SVEP1: variants seen among roughly 807,000 people sequenced by gnomAD.
SVEP1 encodes sushi, von Willebrand factor type A, EGF and pentraxin domain containing 1.
Under a neutral mutation model 367.3 loss-of-function variants are expected in SVEP1, and 164 were observed. That is an observed-to-expected ratio of 0.45 (90% CI 0.39 to 0.51). The LOEUF is 0.51. Among genes scored for constraint, SVEP1 ranks in the 20% least tolerant of loss-of-function variants. The probability of loss-of-function intolerance (pLI) is 0.00; values close to 1 mark genes in which losing one functional copy is unlikely to be tolerated. For missense variants in SVEP1, 4,117 were observed against 4,425.3 expected (o/e 0.93, Z 1.98); for synonymous variants, 1,666 against 1,611.6 (o/e 1.03, Z -0.81).
chr9:110,405,442 C>T (rs987466366), intron 38 of SVEP1, among the ~76,000 whole-genome samples: 14 of 151,312 alleles, frequency 9.3e-5, no homozygotes, highest in East Asian at 2.0e-4. Flanking sequence ...TGAATACCTA[C>T]GTGGACTCAG....
intron 39 of SVEP1, among the ~76,000 whole-genome samples, chr9:110,401,240 T>G (rs1328760891): frequency 6.6e-6 from 1 of 152,156 alleles, no homozygotes; most frequent in African/African-American, 2.4e-5. Flanking sequence ...CTTAAGCCCA[T>G]AAAACAGGCA....
intron 1 of SVEP1, among the ~76,000 whole-genome samples, chr9:110,551,098 C>T (rs1264490651): frequency 6.6e-6 from 1 of 152,112 alleles, no homozygotes; most frequent in East Asian, 1.9e-4. Context: ...GTTTATTCCG[C>T]AAGAATTCAA....
rs1489132325 is a variant in SVEP1 at position 110,455,661 on chromosome 9, GGCAGTGGGCT to G, written c.3706_3715del (p.Ser1236LeufsTer11). 2 of 1,613,336 alleles carry G rather than the reference GGCAGTGGGCT, an allele frequency of 1.2e-6. No homozygotes were observed. ...TTTACAAACTCCATTGTTGAGGCAA[GGCAGTGGGCT>G]GCACTCATCGATGTCTGTTTCACAC... On this transcript the variant is annotated frameshift_variant, in exon 22 of 48. Coordinates refer to ENST00000374469, the MANE Select transcript of SVEP1 (RefSeq NM_153366.4). LOFTEE classifies it high-confidence loss of function.
intron 40 of SVEP1, among the ~76,000 whole-genome samples, chr9:110,390,057 A>ACT (rs1827609650): frequency 1.8e-4 from 22 of 120,090 alleles, no homozygotes; most frequent in African/African-American, 4.8e-4. Context: ...ATACACGTAT[A>ACT]TATATAAGTA....
chr9:110,515,291 T>C (rs1829784966), intron 3 of SVEP1, among the ~76,000 whole-genome samples: 1 of 140,772 alleles, frequency 7.1e-6, no homozygotes, highest in South Asian at 2.2e-4. Context: ...TGCATTTATG[T>C]GGGGATTTTT....
At chr9:110,516,699 A>G (rs1457478036) in intron 3 of SVEP1, among the ~76,000 whole-genome samples, 1 of 152,192 alleles carries the variant, frequency 6.6e-6, no homozygotes, top group Non-Finnish European at 1.5e-5. Context: ...TTTAAAATGT[A>G]AATGAAAAAT....
chr9:110,384,397 GC>G (rs1827488870), intron 43 of SVEP1, among the ~76,000 whole-genome samples: 1 of 151,836 alleles, frequency 6.6e-6, no homozygotes, highest in South Asian at 2.1e-4. Flanking sequence ...TACCTCAGTT[GC>G]CGGTGCAGGA....
At chr9:110,489,449 G>A (rs1404073762) in intron 9 of SVEP1, among the ~76,000 whole-genome samples, 1 of 152,162 alleles carries the variant, frequency 6.6e-6, no homozygotes, top group African/African-American at 2.4e-5. Context: ...GCAGGCAAGA[G>A]AGCACGTGCA....
At chr9:110,566,734 T>C (rs1210271150) in intron 1 of SVEP1, among the ~76,000 whole-genome samples, 2 of 152,216 alleles carry the variant, frequency 1.3e-5, no homozygotes, top group African/African-American at 2.4e-5. Context: ...CTGTGCAATA[T>C]TGAGGAGAAC....
intron 1 of SVEP1, among the ~76,000 whole-genome samples, chr9:110,550,408 TTATTA>T (rs1285056798): frequency 6.6e-6 from 1 of 152,162 alleles, no homozygotes; most frequent in African/African-American, 2.4e-5. Context: ...TTATCACTTA[TTATTA>T]TATTATTTTT....
intron 18 of SVEP1, among the ~76,000 whole-genome samples, chr9:110,459,785 A>T (rs886195315): frequency 7.9e-5 from 12 of 152,022 alleles, no homozygotes; most frequent in Admixed American, 1.3e-4. Context: ...GTATTATTAA[A>T]TTTTTTTTCC....
At chr9:110,577,972 A>C (rs909048507) in intron 1 of SVEP1, among the ~76,000 whole-genome samples, 2 of 152,190 alleles carry the variant, frequency 1.3e-5, no homozygotes, top group African/African-American at 4.8e-5. Context: ...ATATGTGGCA[A>C]ATTTACTGCT....
intron 47 of SVEP1, among the ~76,000 whole-genome samples, chr9:110,368,068 C>CTCTG (rs1340282963): frequency 4.2e-4 from 64 of 151,912 alleles, no homozygotes; most frequent in African/African-American, 1.5e-3. Context: ...CTGAGTGAGA[C>CTCTG]TCTGTCTTAA....
intron 40 of SVEP1, among the ~76,000 whole-genome samples, chr9:110,397,143 C>G (rs1193792195): frequency 6.6e-6 from 1 of 152,176 alleles, no homozygotes; most frequent in African/African-American, 2.4e-5. Flanking sequence ...AGCTTATCCA[C>G]CATGATCAAG....
intron 7 of SVEP1, 98 bp downstream of exon 7, chr9:110,498,943 G>A (rs1829490520): frequency 9.4e-7 from 1 of 1,069,250 alleles, no homozygotes; most frequent in Admixed American, 3.0e-5. Context: ...ATTATCATGG[G>A]TTTGCAGCAA....
At chr9:110,486,359 A>C (rs73655381) in intron 9 of SVEP1, among the ~76,000 whole-genome samples, 4,282 of 152,296 alleles carry the variant, frequency 0.028, 192 homozygotes, top group African/African-American at 0.098. Flanking sequence ...ATTGGAGGCG[A>C]CAGCAGATGT....
Position 110,472,277 on chromosome 9 carries a change from A to C in SVEP1, c.2646T>G (p.Asp882Glu), listed in dbSNP as rs1304714187. The part of the protein sequence containing the change: ...GAANRLDYSY[D>E]DFLDTVQETA... ...TTTCTTGCACAGTGTCCAGGAAGTC[A>C]TCGTAAGAGTAATCCAGCCTATTAG... Residue 882 changes from aspartate (D) to glutamate (E), a missense_variant, in exon 15 of 48, where the codon GAT becomes GAG. This residue lies in a region of SVEP1 where 2,174 missense variants were observed against 2,494.3 expected (regional missense o/e 0.87). Coordinates refer to ENST00000374469, the MANE Select transcript of SVEP1 (RefSeq NM_153366.4). 2 of 1,610,972 alleles carry C rather than the reference A, an allele frequency of 1.2e-6. No individual in the cohort carries two copies. Among genetic ancestry groups the C allele is most frequent in the Non-Finnish European group, 1.7e-6 (2 of 1,179,150 alleles).
intron 40 of SVEP1, among the ~76,000 whole-genome samples, chr9:110,399,349 G>A (rs937452102): frequency 3.3e-5 from 5 of 150,664 alleles, no homozygotes; most frequent in Admixed American, 2.0e-4. Flanking sequence ...CTGTTGTGGG[G>A]TCGGGGGAGG....
chr9:110,429,292 G>T lies in SVEP1; in HGVS notation c.5658C>A (p.Ser1886=). The T allele has an allele frequency of 1.3e-6, 2 of 1,593,230 alleles. No individual in the cohort carries two copies. Among genetic ancestry groups the T allele is most frequent in the African/African-American group, 1.3e-5 (1 of 74,580 alleles). The stretch of plus-strand genomic sequence containing the variant: ...GACTCCAAGAACTGTTAGCAAGACA[G>T]GATGATTCTTTATCACCGGCCAGAG... ...GYTLAGDKES[S]CLANSSWSHS... Residue 1886 remains serine, a synonymous_variant, in exon 35 of 48, where the codon TCC becomes TCA. Transcript: ENST00000374469.
Sources: allele counts gnomAD v4.1 joint callset (sites outside exome capture counted in the v4.1 genomes callset), GRCh38; gene constraint gnomAD v4.1.1; regional missense constraint gnomAD v4.1.1; transcripts MANE v1.5; gene names NCBI Gene and HGNC (gene_info 2026-07-23, HGNC 2026-07-21).